Variants in RAP1GAP2 observed in about 807,000 individuals in gnomAD.
The protein encoded by RAP1GAP2 is rap1 GTPase-activating protein 2.
In RAP1GAP2, 27 loss-of-function variants were observed where a neutral mutation model predicts 95.0. That is an observed-to-expected ratio of 0.28 (90% CI 0.21 to 0.39). RAP1GAP2 has a LOEUF of 0.39. Ranked by LOEUF, RAP1GAP2 falls within the 10% of genes least tolerant of loss-of-function variation. The pLI, the probability that RAP1GAP2 is intolerant of heterozygous loss-of-function variation, is 1.00. For synonymous variants in RAP1GAP2, 373 were observed against 380.9 expected, an observed-to-expected ratio of 0.98 and a Z score of 0.24; for missense variants, 771 against 970.0, an observed-to-expected ratio of 0.79 and a Z score of 2.72.
chr17:2,847,451 A>G (rs1014321244), intron 2 of RAP1GAP2, among the ~76,000 whole-genome samples: 1 of 152,184 alleles, frequency 6.6e-6, no homozygotes, highest in African/African-American at 2.4e-5. Flanking sequence ...AATCTCACAT[A>G]GTTGTAATTC....
intron 8 of RAP1GAP2, among the ~76,000 whole-genome samples, chr17:2,969,931 T>G (rs2044784476): frequency 1.3e-5 from 2 of 152,164 alleles, no homozygotes; most frequent in African/African-American, 4.8e-5. Flanking sequence ...CTTAATTTAT[T>G]TTACTGCTGG....
intron 3 of RAP1GAP2, among the ~76,000 whole-genome samples, chr17:2,953,231 CTG>C (rs763253172): frequency 2.0e-5 from 3 of 151,608 alleles, no homozygotes; most frequent in Non-Finnish European, 4.4e-5. Flanking sequence ...TGGAGCCTCA[CTG>C]TGTCACCCAG....
Position 3,008,890 on chromosome 17 carries a change from C to A in RAP1GAP2, c.1494+745C>A, listed in dbSNP as rs539251205. Among the ~76,000 whole-genome samples the A allele has an allele frequency of 1.1e-4, 17 of 152,274 alleles. No individual in the cohort carries two copies. The highest frequency in any genetic ancestry group is 4.1e-4 in the African/African-American group (17 of 41,572). On this transcript the variant is annotated intron_variant, in intron 17 of 24. Coordinates refer to ENST00000254695, the MANE Select transcript of RAP1GAP2 (RefSeq NM_015085.5). The surrounding 1 kb of genome is among the most constrained non-coding windows in gnomAD (Gnocchi z 4.2). Reference sequence around the variant, plus strand: ...GGGTCTTGTTATATTCACGAACACACGTGGGGACAGGATGAGAGACGCCAC... The same window carrying A: ...GGGTCTTGTTATATTCACGAACACAAGTGGGGACAGGATGAGAGACGCCAC...
chr17:2,801,443 C>G (rs928856717), intron 2 of RAP1GAP2, among the ~76,000 whole-genome samples: 2 of 149,412 alleles, frequency 1.3e-5, no homozygotes, highest in African/African-American at 4.9e-5. Flanking sequence ...CCATTGCACT[C>G]CAGCCTGGGG....
upstream of RAP1GAP2, among the ~76,000 whole-genome samples, chr17:2,776,021 A>G (rs150801659): frequency 0.032 from 4,833 of 152,304 alleles, 279 homozygotes; most frequent in African/African-American, 0.11. Flanking sequence ...TCTACTAAAA[A>G]TACAAAAAGT....
chr17:2,899,391 T>G (rs2041950203), intron 2 of RAP1GAP2, among the ~76,000 whole-genome samples: 1 of 151,962 alleles, frequency 6.6e-6, no homozygotes, highest in Admixed American at 6.6e-5. Context: ...AATATTTTTT[T>G]TAGTAGAGAC....
chr17:3,023,879 C>T (rs1296754666), intron 19 of RAP1GAP2, among the ~76,000 whole-genome samples: 3 of 152,006 alleles, frequency 2.0e-5, no homozygotes, highest in Non-Finnish European at 2.9e-5. Flanking sequence ...TTGTTCAACT[C>T]CCACTTATGA....
chr17:2,895,289 G>T (rs1268633343), intron 2 of RAP1GAP2, among the ~76,000 whole-genome samples: 2 of 152,048 alleles, frequency 1.3e-5, no homozygotes, highest in African/African-American at 4.8e-5. Context: ...GGGAAGCCGT[G>T]GGCCATGGGA....
chr17:2,796,328 C>T, upstream of RAP1GAP2: 2 of 618,866 alleles, frequency 3.2e-6, no homozygotes, highest in Non-Finnish European at 5.8e-6. The surrounding 1 kb of genome is among the most constrained non-coding windows in gnomAD (Gnocchi z 4.7). Flanking sequence ...CTTGGTGCCT[C>T]CTGGAGTGCA....
chr17:2,869,595 C>T (rs1036687871), intron 2 of RAP1GAP2, among the ~76,000 whole-genome samples: 3 of 152,124 alleles, frequency 2.0e-5, no homozygotes, highest in African/African-American at 7.2e-5. Flanking sequence ...CTTGGGGACT[C>T]CAGGGAAGCA....
intron 2 of RAP1GAP2, among the ~76,000 whole-genome samples, chr17:2,850,749 CA>C (rs11323119): frequency 0.23 from 20,833 of 90,984 alleles, 1,557 homozygotes; most frequent in African/African-American, 0.27. Flanking sequence ...GACTCCACCT[CA>C]AAAAAAAAAA....
intron 17 of RAP1GAP2, among the ~76,000 whole-genome samples, chr17:3,010,928 A>G (rs1383832152): frequency 6.6e-6 from 1 of 151,562 alleles, no homozygotes; most frequent in African/African-American, 2.4e-5. Flanking sequence ...AAATTTTTTT[A>G]TTTTTTAATT....
chr17:2,853,571 G>A (rs569471593), intron 2 of RAP1GAP2, among the ~76,000 whole-genome samples: 2 of 150,932 alleles, frequency 1.3e-5, no homozygotes, highest in South Asian at 2.1e-4. Context: ...GGGGGGTCCC[G>A]GGAGCGCTGT....
intron 3 of RAP1GAP2, among the ~76,000 whole-genome samples, chr17:2,907,916 C>T (rs1424742581): frequency 6.6e-6 from 1 of 152,160 alleles, no homozygotes; most frequent in East Asian, 1.9e-4. Context: ...AAGCGCTTCT[C>T]CTACCTGAGC....
intron 14 of RAP1GAP2, among the ~76,000 whole-genome samples, chr17:2,999,668 T>G (rs1228118835): frequency 6.6e-6 from 1 of 151,768 alleles, no homozygotes; most frequent in East Asian, 1.9e-4. Context: ...AAAAAGAGGC[T>G]GGGCACGGTG....
In RAP1GAP2 at chr17:2,965,730, AC is replaced by A; in HGVS notation, c.596+89del. On this transcript the variant is annotated intron_variant, in intron 8 of 24. Transcript: ENST00000254695. This position sits in a 1 kb window ranked among gnomAD's most constrained non-coding sequence, Gnocchi z 4.7. ...GGGGGCTGGGATGGGACTCAGAAAT[AC>A]CAGACTGACCAGTCTGGTCTGGGTG... 1 of 954,556 alleles carries A rather than the reference AC, an allele frequency of 1.0e-6. No homozygotes were observed. The highest frequency in any genetic ancestry group is 1.6e-6 in the Non-Finnish European group (1 of 615,130). The allele number at this position is 954,556 out of a possible 1,614,324, so 59.1% of individuals were successfully genotyped here.
intron 2 of RAP1GAP2, among the ~76,000 whole-genome samples, chr17:2,873,964 G>C (rs1022021235): frequency 6.2e-4 from 94 of 151,534 alleles, no homozygotes; most frequent in Non-Finnish European, 1.1e-3. Context: ...GTGGGGGGGG[G>C]CGGGTTTCAC....
chr17:2,974,960 A>G (rs964652498), intron 8 of RAP1GAP2, among the ~76,000 whole-genome samples: 1 of 152,196 alleles, frequency 6.6e-6, no homozygotes, highest in East Asian at 1.9e-4. Context: ...CAGTCACGGT[A>G]GCTCACGCCT....
chr17:2,961,720 G>C (rs2044335626), intron 4 of RAP1GAP2, among the ~76,000 whole-genome samples: 1 of 152,074 alleles, frequency 6.6e-6, no homozygotes, highest in African/African-American at 2.4e-5. Flanking sequence ...AAGAAGCTAC[G>C]CTTTGTCAAG....
Sources: gnomAD v4.1 joint callset for allele counts (sites outside exome capture counted in the v4.1 genomes callset) on GRCh38, gnomAD v4.1.1 for gene constraint, Gnocchi (gnomAD v3.1) non-coding constraint, MANE v1.5 for transcripts, NCBI Gene and HGNC (gene_info 2026-07-23, HGNC 2026-07-21) for gene names.